The following PPP4R3A variants were observed in gnomAD, a reference collection of about 807,000 sequenced individuals.
The protein encoded by PPP4R3A is serine/threonine-protein phosphatase 4 regulatory subunit 3A.
In PPP4R3A, 15 loss-of-function variants were observed where a neutral mutation model predicts 91.7. That is an observed-to-expected ratio of 0.16 (90% confidence interval 0.11 to 0.25). The LOEUF (loss-of-function observed/expected upper bound fraction) is 0.25. Among genes scored for constraint, PPP4R3A ranks in the 10% least tolerant of loss-of-function variants. The pLI, the probability that PPP4R3A is intolerant of heterozygous loss-of-function variation, is 1.00. For synonymous variants in PPP4R3A, 377 were observed against 348.7 expected (o/e 1.08, Z -0.91); for missense variants, 623 against 998.4 (o/e 0.62, Z 5.07).
chr14:91,468,667 C>CAAAAAAAAAAAAAAA lies in PPP4R3A; in HGVS notation c.1660+2155_1660+2169dup, dbSNP rs766250846. ...AAGGCGACAGAGTGAGACTCCGTCT[C>CAAAAAAAAAAAAAAA]AAAAAAAAAAAAAAAAAAAAAAGGA... On this transcript the variant is annotated intron_variant, in intron 10 of 14. Coordinates refer to ENST00000554943, the MANE Select transcript of PPP4R3A (RefSeq NM_001366432.2). 5.1e-4 allele frequency among the ~76,000 whole-genome samples: 23 copies of CAAAAAAAAAAAAAAA among 45,044 alleles called. 1 individual carries two copies. The highest frequency in any genetic ancestry group is 2.4e-3 in the African/African-American group (21 of 8,796). 29.6% of individuals were successfully genotyped at this position (45,044 alleles called of 152,430 possible). A position where few individuals can be genotyped will look rare whatever the true frequency, so the allele number is the denominator to read the frequency against.
intron 1 of PPP4R3A, among the ~76,000 whole-genome samples, chr14:91,507,521 C>CTATATATTATA (rs1417426384): frequency 3.7e-5 from 5 of 135,614 alleles, no homozygotes; most frequent in African/African-American, 1.5e-4. Flanking sequence ...ATTATATATA[C>CTATATATTATA]TATAGTTATA....
intron 1 of PPP4R3A, among the ~76,000 whole-genome samples, chr14:91,497,474 CTTGAGAAAGA>C (rs1890652204): frequency 6.6e-6 from 1 of 151,940 alleles, no homozygotes; most frequent in African/African-American, 2.4e-5. Flanking sequence ...AATATTGAGA[CTTGAGAAAGA>C]ATGAGAAAGG....
At chr14:91,489,493 T>A (rs1226352987) in intron 2 of PPP4R3A, among the ~76,000 whole-genome samples, 1 of 152,206 alleles carries the variant, frequency 6.6e-6, no homozygotes, top group East Asian at 1.9e-4. Flanking sequence ...TTTTAGAAAC[T>A]GCTTTTCTGT....
intron 1 of PPP4R3A, among the ~76,000 whole-genome samples, chr14:91,506,426 A>G (rs1047818141): frequency 3.9e-5 from 6 of 152,256 alleles, no homozygotes; most frequent in Admixed American, 2.0e-4. Context: ...AGAGTTTGGC[A>G]CATAGTAGGT....
intron 1 of PPP4R3A, among the ~76,000 whole-genome samples, chr14:91,503,907 A>C: frequency 6.6e-6 from 1 of 152,220 alleles, no homozygotes; most frequent in Non-Finnish European, 1.5e-5. Flanking sequence ...TACGGCTATC[A>C]TAAAAACTGA....
chr14:91,497,943 T>A (rs752676398), intron 1 of PPP4R3A, among the ~76,000 whole-genome samples: 12 of 152,198 alleles, frequency 7.9e-5, no homozygotes, highest in Non-Finnish European at 1.8e-4. Flanking sequence ...TTTTCCACCA[T>A]TAATTCTCTC....
intron 2 of PPP4R3A, among the ~76,000 whole-genome samples, chr14:91,489,804 T>C (rs1180018958): frequency 6.6e-6 from 1 of 152,186 alleles, no homozygotes; most frequent in Non-Finnish European, 1.5e-5. Context: ...TATCAAACTA[T>C]CAAGAAAATA....
At chr14:91,509,389 G>A (rs181723661) in intron 1 of PPP4R3A, 117 bp downstream of exon 1, 50 of 1,430,308 alleles carry the variant, frequency 3.5e-5, no homozygotes, top group East Asian at 7.7e-5. Context: ...CGAGGTGGCC[G>A]CCCTCCCCAG....
intron 10 of PPP4R3A, among the ~76,000 whole-genome samples, chr14:91,470,491 T>A (rs1223931132): frequency 6.6e-6 from 1 of 152,186 alleles, no homozygotes; most frequent in African/African-American, 2.4e-5. Context: ...AACATAAGCA[T>A]GTTTCAGCTT....
intron 2 of PPP4R3A, among the ~76,000 whole-genome samples, chr14:91,487,074 C>T (rs953686170): frequency 7.9e-5 from 12 of 151,336 alleles, no homozygotes; most frequent in African/African-American, 1.5e-4. Flanking sequence ...GGTAAAGCCC[C>T]GTCTCTACTA....
rs142642920 is a variant in PPP4R3A, at chr14:91,501,144, T to C, written c.142+8362A>G. Among the ~76,000 whole-genome samples the C allele has an allele frequency of 2.7e-3, 416 of 152,326 alleles. 4 individuals carry two copies. Among genetic ancestry groups the C allele is most frequent in the African/African-American group, 9.3e-3 (385 of 41,578 alleles). The stretch of plus-strand genomic sequence containing the variant: ...ACTTCCTCTCACTGAAGAAACGAGA[T>C]AGTATAGAGAATTCCTGTAATTTTT... On this transcript the variant is annotated intron_variant, in intron 1 of 14. Coordinates refer to ENST00000554943, the MANE Select transcript of PPP4R3A (RefSeq NM_001366432.2).
chr14:91,499,555 C>T (rs2140155349), intron 1 of PPP4R3A, among the ~76,000 whole-genome samples: 1 of 152,104 alleles, frequency 6.6e-6, no homozygotes, highest in South Asian at 2.1e-4. Context: ...GAAACTGTCA[C>T]ATTCCAATAG....
At chr14:91,506,628 G>A (rs928774417) in intron 1 of PPP4R3A, among the ~76,000 whole-genome samples, 35 of 152,138 alleles carry the variant, frequency 2.3e-4, no homozygotes, top group African/African-American at 8.4e-4. Flanking sequence ...ACAGCTCACT[G>A]CAGCCTCCAC....
In PPP4R3A at chr14:91,485,777, A is replaced by T. The variant is rs777926481; in HGVS notation, c.199-47T>A. On this transcript the variant is annotated intron_variant, in intron 2 of 14. Transcript: ENST00000554943. ...CTGAATGATTAACATACACTATCAC[A>T]AACGAAAATGAACAAACAAAAGGAA... 4 of 1,283,938 alleles carry T rather than the reference A, an allele frequency of 3.1e-6. No individual in the cohort carries two copies. In the South Asian group the frequency reaches 4.2e-5, roughly 14 times the overall value. 79.5% of individuals were successfully genotyped at this position (1,283,938 alleles called of 1,614,324 possible).
rs915298301 is a variant in PPP4R3A at position 91,502,197 on chromosome 14, A to C, written c.142+7309T>G. Among the ~76,000 whole-genome samples the C allele has an allele frequency of 5.3e-5, 8 of 152,228 alleles. No homozygotes were observed. In the East Asian group the frequency reaches 1.5e-3, roughly 29 times the overall value. On this transcript the variant is annotated intron_variant, in intron 1 of 14. Coordinates refer to ENST00000554943, the MANE Select transcript of PPP4R3A (RefSeq NM_001366432.2). ...CTACTCAGGAGGGTGAGGTAGGAGC[A>C]TTGCTTGAGGCAGGAAATTCAAGAC... is the stretch of plus-strand genomic sequence containing the variant.
At chr14:91,472,292 AC>A (rs1204665850) in intron 9 of PPP4R3A, among the ~76,000 whole-genome samples, 1 of 152,126 alleles carries the variant, frequency 6.6e-6, no homozygotes, top group African/African-American at 2.4e-5. Flanking sequence ...CTCTGTCTAT[AC>A]ATCTGGAGTA....
intron 1 of PPP4R3A, among the ~76,000 whole-genome samples, chr14:91,502,062 CCAAGT>C (rs1890998371): frequency 6.6e-6 from 1 of 151,848 alleles, no homozygotes; most frequent in Non-Finnish European, 1.5e-5. Flanking sequence ...GGTATGTGCT[CCAAGT>C]CCTTCTTTCC....
intron 3 of PPP4R3A, among the ~76,000 whole-genome samples, 158 bp from the exon 4 acceptor site, chr14:91,482,351 T>C (rs915711377): frequency 7.9e-5 from 12 of 152,206 alleles, no homozygotes; most frequent in Non-Finnish European, 4.4e-5. Flanking sequence ...TCTCCAAATA[T>C]GTATACTTTC....
At chr14:91,467,937 C>G (rs985802754) in intron 10 of PPP4R3A, among the ~76,000 whole-genome samples, 1 of 152,220 alleles carries the variant, frequency 6.6e-6, no homozygotes, top group Admixed American at 6.5e-5. Flanking sequence ...TCAATGTACA[C>G]TTTTTTTCAG....
Sources: allele counts gnomAD v4.1 joint callset (sites outside exome capture counted in the v4.1 genomes callset), GRCh38; gene constraint gnomAD v4.1.1; transcripts MANE v1.5; gene names NCBI Gene and HGNC (gene_info 2026-07-23, HGNC 2026-07-21).